PTPRK: variants seen among roughly 807,000 people sequenced by gnomAD.
The protein encoded by PTPRK is protein tyrosine phosphatase receptor type K, also known as receptor-type tyrosine-protein phosphatase kappa.
Under a neutral mutation model 178.0 loss-of-function variants are expected in PTPRK, and 75 were observed. That is an observed-to-expected ratio of 0.42 (90% CI 0.35 to 0.51). The LOEUF (loss-of-function observed/expected upper bound fraction) is 0.51. Among genes scored for constraint, PTPRK ranks in the 20% least tolerant of loss-of-function variants. The probability of loss-of-function intolerance (pLI) is 0.02; values close to 1 mark genes in which losing one functional copy is unlikely to be tolerated. For synonymous variants in PTPRK, 637 were observed against 620.6 expected (o/e 1.03, Z -0.39); for missense variants, 1,441 against 1,797.8 (o/e 0.80, Z 3.59).
At chr6:128,388,184 G>T (rs1034367793) in intron 2 of PTPRK, among the ~76,000 whole-genome samples, 7 of 152,086 alleles carry the variant, frequency 4.6e-5, no homozygotes, top group African/African-American at 1.7e-4. Flanking sequence ...AGTATCCCAG[G>T]AAAGTTTTTT....
intron 1 of PTPRK, among the ~76,000 whole-genome samples, chr6:128,424,224 C>A (rs1255835916): frequency 2.0e-5 from 3 of 152,046 alleles, no homozygotes; most frequent in Admixed American, 6.6e-5. Flanking sequence ...TAGAGTGAGA[C>A]CCTGTCTCTT....
intron 3 of PTPRK, among the ~76,000 whole-genome samples, chr6:128,271,806 T>C (rs1198027832): frequency 2.0e-5 from 3 of 151,932 alleles, no homozygotes; most frequent in Non-Finnish European, 4.4e-5. Flanking sequence ...TTTAGCACAT[T>C]TGACTGGTTT....
chr6:128,435,884 A>G (rs531041295), intron 1 of PTPRK, among the ~76,000 whole-genome samples: 8 of 152,186 alleles, frequency 5.3e-5, no homozygotes, highest in Non-Finnish European at 8.8e-5. Context: ...TCTCAAATAA[A>G]CCATACTAGA....
intron 5 of PTPRK, among the ~76,000 whole-genome samples, chr6:128,225,783 G>GA (rs372368468): frequency 0.049 from 7,238 of 147,830 alleles, 406 homozygotes; most frequent in African/African-American, 0.14. Context: ...TGTTCTCCTA[G>GA]AAAAAAAAAA....
intron 3 of PTPRK, among the ~76,000 whole-genome samples, chr6:128,315,657 T>C (rs991499476): frequency 6.6e-6 from 1 of 152,162 alleles, no homozygotes; most frequent in Non-Finnish European, 1.5e-5. Flanking sequence ...TTAGATTCTA[T>C]GTAATATTAT....
At chr6:128,060,674 C>A (rs1747468399) in intron 13 of PTPRK, among the ~76,000 whole-genome samples, 1 of 152,104 alleles carries the variant, frequency 6.6e-6, no homozygotes, top group Non-Finnish European at 1.5e-5. Context: ...GAAGAAAACT[C>A]ATTTGAATAA....
At chr6:128,193,321 T>C (rs1804218605) in intron 6 of PTPRK, among the ~76,000 whole-genome samples, 2 of 143,452 alleles carry the variant, frequency 1.4e-5, no homozygotes, top group African/African-American at 5.0e-5. Context: ...GCTACAATTC[T>C]AGCATTAATT....
chr6:128,275,608 A>G (rs1820605683), intron 3 of PTPRK, among the ~76,000 whole-genome samples: 1 of 152,068 alleles, frequency 6.6e-6, no homozygotes, highest in African/African-American at 2.4e-5. Context: ...ACCAGGTGTT[A>G]AAGTTCTTAA....
At chr6:128,401,490 C>A (rs895007394) in intron 1 of PTPRK, among the ~76,000 whole-genome samples, 1 of 152,124 alleles carries the variant, frequency 6.6e-6, no homozygotes, top group South Asian at 2.1e-4. Flanking sequence ...TAAGTCCTTT[C>A]TGAAGTCAAA....
At chr6:128,179,407 A>T (rs1346976477) in intron 7 of PTPRK, among the ~76,000 whole-genome samples, 1 of 152,010 alleles carries the variant, frequency 6.6e-6, no homozygotes, top group South Asian at 2.1e-4. Context: ...TTATTCTTAC[A>T]TTCCCAAGAA....
rs10651820 is a variant in PTPRK, at chr6:128,322,667, A to AATATATATATATAT, written c.224-371_224-358dup. ...TTACTGAACACAAGTCTTTTAATAT[A>AATATATATATATAT]ATATATATATATATGTATACACACA... On this transcript the variant is annotated intron_variant, in intron 2 of 29. Transcript: ENST00000368226. Among the ~76,000 whole-genome samples the AATATATATATATAT allele has an allele frequency of 5.4e-3, 770 of 143,764 alleles. 6 individuals carry two copies. Among genetic ancestry groups the AATATATATATATAT allele is most frequent in the Middle Eastern group, 0.025 (7 of 276 alleles). The allele number at this position is 143,764 out of a possible 152,430, so 94.3% of individuals were successfully genotyped here. A position where few individuals can be genotyped will look rare whatever the true frequency, so the allele number is the denominator to read the frequency against.
At chr6:128,308,649 G>C (rs895637533) in intron 3 of PTPRK, among the ~76,000 whole-genome samples, 1 of 152,130 alleles carries the variant, frequency 6.6e-6, no homozygotes, top group Non-Finnish European at 1.5e-5. Flanking sequence ...TCAGAAGACA[G>C]CAATTTTCGA....
At chr6:128,380,368 A>G (rs1007218836) in intron 2 of PTPRK, among the ~76,000 whole-genome samples, 1 of 152,120 alleles carries the variant, frequency 6.6e-6, no homozygotes, top group African/African-American at 2.4e-5. Flanking sequence ...GGAGATGAGC[A>G]AAGTGGGAGT....
chr6:128,335,168 C>T (rs974566914), intron 2 of PTPRK, among the ~76,000 whole-genome samples: 2 of 152,170 alleles, frequency 1.3e-5, no homozygotes, highest in Admixed American at 6.6e-5. Context: ...CAGCCACGTT[C>T]TGTCACTTTC....
intron 7 of PTPRK, among the ~76,000 whole-genome samples, chr6:128,104,770 T>C (rs1322578600): frequency 6.6e-6 from 1 of 152,184 alleles, no homozygotes; most frequent in African/African-American, 2.4e-5. Context: ...CTGACCAGGG[T>C]AATGCTCTAG....
At chr6:128,003,110 G>A (rs542051349) in intron 15 of PTPRK, 3 of 1,320,698 alleles carry the variant, frequency 2.3e-6, no homozygotes, top group Non-Finnish European at 3.2e-6. Context: ...GCTGCCTCCT[G>A]CACTGTAAAT....
Position 128,109,028 on chromosome 6 carries a change from C to T in PTPRK, c.1163-19036G>A, listed in dbSNP as rs1008879397. 6.6e-5 allele frequency among the ~76,000 whole-genome samples: 10 copies of T among 152,172 alleles called. No homozygotes were observed. In the South Asian group the frequency reaches 1.5e-3, roughly 22 times the overall value. On this transcript the variant is annotated intron_variant, in intron 7 of 29. Coordinates refer to ENST00000368226, the MANE Select transcript of PTPRK (RefSeq NM_002844.4). The stretch of plus-strand genomic sequence containing the variant: ...CTTCAACATATGGATTTTGGGGGAA[C>T]ACAAACATTTAGCTCATAATACACA...
intron 1 of PTPRK, among the ~76,000 whole-genome samples, chr6:128,477,262 A>C (rs1851482365): frequency 6.6e-6 from 1 of 152,042 alleles, no homozygotes; most frequent in Non-Finnish European, 1.5e-5. Context: ...GAAAAAAGGT[A>C]ACATTATTTT....
chr6:128,141,905 C>T (rs746088580), intron 7 of PTPRK, among the ~76,000 whole-genome samples: 2 of 151,700 alleles, frequency 1.3e-5, no homozygotes, highest in African/African-American at 2.4e-5. Context: ...TAAGACTGTT[C>T]GTTTTTAAAC....
Sources: allele counts gnomAD v4.1 joint callset (sites outside exome capture counted in the v4.1 genomes callset), GRCh38; gene constraint gnomAD v4.1.1; transcripts MANE v1.5; gene names NCBI Gene and HGNC (gene_info 2026-07-23, HGNC 2026-07-21).